The following PLXDC2 variants were observed in gnomAD, a reference collection of about 807,000 sequenced individuals.
PLXDC2 encodes the protein plexin domain containing 2, also known as plexin domain-containing protein 2.
In PLXDC2, 40 loss-of-function variants were observed where a neutral mutation model predicts 68.9. The observed-to-expected ratio is 0.58, with a 90% confidence interval of 0.45 to 0.76. The LOEUF (loss-of-function observed/expected upper bound fraction) is 0.76, where lower values mean the gene tolerates loss of function less well. Among genes scored for constraint, PLXDC2 ranks in the 30% least tolerant of loss-of-function variants. PLXDC2 has a pLI of 0.00. For synonymous variants in PLXDC2, 243 were observed against 234.2 expected (o/e 1.04, Z -0.34); for missense variants, 644 against 661.9 (o/e 0.97, Z 0.30).
At chr10:20,021,831 T>C (rs1220319238) in intron 2 of PLXDC2, among the ~76,000 whole-genome samples, 2 of 152,108 alleles carry the variant, frequency 1.3e-5, no homozygotes, top group South Asian at 2.1e-4. Flanking sequence ...CCCAAGTAGC[T>C]GGGATTACAG....
chr10:19,863,208 C>A (rs1837347484), intron 1 of PLXDC2, among the ~76,000 whole-genome samples: 1 of 152,066 alleles, frequency 6.6e-6, no homozygotes, highest in South Asian at 2.1e-4. Context: ...GGCCCTTTTC[C>A]CTCCGGGTTT....
At chr10:20,232,336 G>A (rs1326650970) in intron 12 of PLXDC2, among the ~76,000 whole-genome samples, 1 of 151,948 alleles carries the variant, frequency 6.6e-6, no homozygotes, top group Non-Finnish European at 1.5e-5. Context: ...GTCCTTTTAA[G>A]CCAGGAATTC....
At chr10:19,873,036 TCTC>T (rs1048663143) in intron 1 of PLXDC2, among the ~76,000 whole-genome samples, 2 of 152,066 alleles carry the variant, frequency 1.3e-5, no homozygotes, top group African/African-American at 2.4e-5. Flanking sequence ...TGACAGGAAA[TCTC>T]CTAATACAGC....
intron 1 of PLXDC2, among the ~76,000 whole-genome samples, chr10:19,834,329 T>TAGAG (rs72293743): frequency 3.0e-4 from 43 of 145,306 alleles, no homozygotes; most frequent in East Asian, 6.2e-4. Context: ...AAGAGAGAGG[T>TAGAG]AGAGAGAGAG....
At chr10:20,218,547 G>A (rs572896104) in intron 11 of PLXDC2, among the ~76,000 whole-genome samples, 22 of 151,938 alleles carry the variant, frequency 1.4e-4, no homozygotes, top group African/African-American at 4.6e-4. Flanking sequence ...AAATAAAAAA[G>A]CATATCCTAC....
At chr10:20,062,042 G>A (rs1836113558) in intron 3 of PLXDC2, among the ~76,000 whole-genome samples, 1 of 152,188 alleles carries the variant, frequency 6.6e-6, no homozygotes, top group African/African-American at 2.4e-5. Context: ...TGCTTATGAT[G>A]GCCAGGTATT....
chr10:20,106,556 A>G (rs1385415834), intron 4 of PLXDC2, among the ~76,000 whole-genome samples: 2 of 152,150 alleles, frequency 1.3e-5, no homozygotes, highest in Non-Finnish European at 2.9e-5. Flanking sequence ...GGCAATGTGC[A>G]TATGGGATTG....
At chr10:20,188,243 T>G (rs1834712907) in intron 9 of PLXDC2, among the ~76,000 whole-genome samples, 1 of 151,724 alleles carries the variant, frequency 6.6e-6, no homozygotes, top group African/African-American at 2.4e-5. Context: ...ATTAACAAAC[T>G]TTTCAGTATC....
intron 9 of PLXDC2, among the ~76,000 whole-genome samples, chr10:20,209,826 A>G (rs186337061): frequency 1.3e-5 from 2 of 152,308 alleles, no homozygotes; most frequent in East Asian, 3.9e-4. Context: ...AAAGACAGGC[A>G]TAGGAAATCA....
At chr10:19,978,229 G>C (rs982484343) in intron 1 of PLXDC2, among the ~76,000 whole-genome samples, 10 of 152,130 alleles carry the variant, frequency 6.6e-5, no homozygotes, top group Non-Finnish European at 1.5e-4. Flanking sequence ...CAAATGCATA[G>C]ATTCAGCTTA....
chr10:19,934,590 C>T (rs1228261192), intron 1 of PLXDC2, among the ~76,000 whole-genome samples: 1 of 152,210 alleles, frequency 6.6e-6, no homozygotes, highest in African/African-American at 2.4e-5. Flanking sequence ...CATTCAATCT[C>T]CTAATCAAAT....
Position 19,885,671 on chromosome 10 carries a change from C to T in PLXDC2, c.112+68480C>T, listed in dbSNP as rs1478986058. On this transcript the variant is annotated intron_variant, in intron 1 of 13. Coordinates refer to ENST00000377252, the MANE Select transcript of PLXDC2 (RefSeq NM_032812.9). ...CAAAGATCAGATAGTTGTAGATATGCGGCGTTATTTCTGAGGGCTCTGTTC... is the reference window on the plus strand; with the variant it reads ...CAAAGATCAGATAGTTGTAGATATGTGGCGTTATTTCTGAGGGCTCTGTTC... Among the ~76,000 whole-genome samples, 36 of 151,162 alleles carry T rather than the reference C, an allele frequency of 2.4e-4. 1 individual carries two copies. The highest frequency in any genetic ancestry group is 8.0e-4 in the Admixed American group (12 of 15,070).
At chr10:19,950,866 T>C (rs1833980485) in intron 1 of PLXDC2, among the ~76,000 whole-genome samples, 1 of 152,178 alleles carries the variant, frequency 6.6e-6, no homozygotes, top group Non-Finnish European at 1.5e-5. Flanking sequence ...AACCATCTAA[T>C]TGTTGACAGA....
chr10:19,870,119 G>A (rs1231399957), intron 1 of PLXDC2, among the ~76,000 whole-genome samples: 1 of 152,134 alleles, frequency 6.6e-6, no homozygotes, highest in African/African-American at 2.4e-5. Context: ...TGCGACAAAG[G>A]GAACAAACTT....
chr10:19,878,919 G>A (rs1298300770), intron 1 of PLXDC2, among the ~76,000 whole-genome samples: 1 of 151,974 alleles, frequency 6.6e-6, no homozygotes, highest in African/African-American at 2.4e-5. Flanking sequence ...CATACCATGG[G>A]GAATTAAGAA....
At position 20,069,945 on chromosome 10, in the gene PLXDC2, A is replaced by G. The variant is rs569884615; in HGVS notation, c.541+1706A>G. Among the ~76,000 whole-genome samples, 6 of 152,376 alleles carry G rather than the reference A, an allele frequency of 3.9e-5. No homozygotes were observed. In the South Asian group the frequency reaches 8.3e-4, roughly 21 times the overall value. ...TTTCAAGTGAGAGTTGTTTAAGACTATAGAAAAATTGTTGTTCAAAGTTTT... is the reference window on the plus strand; with the variant it reads ...TTTCAAGTGAGAGTTGTTTAAGACTGTAGAAAAATTGTTGTTCAAAGTTTT... On this transcript the variant is annotated intron_variant, in intron 4 of 13. Coordinates refer to ENST00000377252, the MANE Select transcript of PLXDC2 (RefSeq NM_032812.9).
At chr10:19,988,776 CTTTTTTTTTTTTTTTTTTTT>C (rs552950916) in intron 1 of PLXDC2, among the ~76,000 whole-genome samples, 6 of 45,492 alleles carry the variant, frequency 1.3e-4, no homozygotes, top group Admixed American at 1.2e-3. Flanking sequence ...AATAATGCCA[CTTTTTTTTTTTTTTTTTTTT>C]TTTTTTTTTT....
intron 1 of PLXDC2, among the ~76,000 whole-genome samples, chr10:19,956,108 A>C (rs1182488498): frequency 6.6e-6 from 1 of 152,158 alleles, no homozygotes; most frequent in East Asian, 1.9e-4. Context: ...TTTCTATTAG[A>C]GTAGATATTG....
At chr10:19,965,386 A>T (rs1589559917) in intron 1 of PLXDC2, among the ~76,000 whole-genome samples, 2 of 152,162 alleles carry the variant, frequency 1.3e-5, no homozygotes, top group East Asian at 1.9e-4. Context: ...TGGTGGCGGT[A>T]GGTACTGCCA....
Sources: gnomAD v4.1 joint callset for allele counts (sites outside exome capture counted in the v4.1 genomes callset) on GRCh38, gnomAD v4.1.1 for gene constraint, MANE v1.5 for transcripts, NCBI Gene and HGNC (gene_info 2026-07-23, HGNC 2026-07-21) for gene names.